The following ZSCAN2 variants were observed in gnomAD, a reference collection of about 807,000 sequenced individuals.
ZSCAN2 encodes zinc finger and SCAN domain containing 2.
In ZSCAN2, 26 loss-of-function variants were observed where a neutral mutation model predicts 47.8. The ratio of observed to expected loss-of-function variants is 0.54; its 90% confidence interval spans 0.40 to 0.75. ZSCAN2 has a LOEUF of 0.75. Among genes scored for constraint, ZSCAN2 ranks in the 30% least tolerant of loss-of-function variants. The probability of loss-of-function intolerance (pLI) is 0.00; values close to 1 mark genes in which losing one functional copy is unlikely to be tolerated. For missense variants in ZSCAN2, 732 were observed against 785.4 expected (o/e 0.93, Z 0.81); for synonymous variants, 305 against 288.7 (o/e 1.06, Z -0.57).
chr15:84,612,416 T>C (rs1432505647), intron 2 of ZSCAN2, among the ~76,000 whole-genome samples: 2 of 152,184 alleles, frequency 1.3e-5, no homozygotes, highest in South Asian at 4.1e-4. Flanking sequence ...GTTTATGATA[T>C]TTATGTTATA....
chr15:84,604,169 G>A lies in ZSCAN2; in HGVS notation c.242G>A (p.Arg81Gln), dbSNP rs756555393. 1.9e-6 allele frequency: 3 copies of A among 1,613,632 alleles called. No individual in the cohort carries two copies. The highest frequency in any genetic ancestry group is 1.1e-5 in the South Asian group (1 of 91,038). Residue 81 changes from arginine to glutamine, a missense_variant, in exon 2 of 3, where the codon CGA (arginine) becomes CAA (glutamine). Physicochemically the swap from Arg to Gln is conservative, Grantham distance 43 (BLOSUM62 1). Around this residue, in one of 2 missense-constraint regions of ZSCAN2, gnomAD observed 320 missense variants for 287.4 expected, o/e 1.11. Coordinates refer to ENST00000546148, the MANE Select transcript of ZSCAN2 (RefSeq NM_181877.4). ...CCACAGGGTGCACTCGGCCGCCTCC[G>A]AGAGCTCTGCCGGCGCTGGCTGAGA... is the stretch of plus-strand genomic sequence containing the variant. ...RGPQGALGRL[R>Q]ELCRRWLRPE...
At position 84,622,027 on chromosome 15, in the gene ZSCAN2, A is replaced by T; in HGVS notation, c.1832A>T (p.Glu611Val). 6.2e-7 allele frequency: 1 copy of T among 1,603,094 alleles called. No individual in the cohort carries two copies. Among genetic ancestry groups the T allele is most frequent in the Middle Eastern group, 1.7e-4 (1 of 5,990 alleles). Reference sequence around the variant, plus strand: ...ACACATCAGAGAACTCACATGAAAGAGAAACTTTATTGAAGTGGCAAAGAG... The same window carrying T: ...ACACATCAGAGAACTCACATGAAAGTGAAACTTTATTGAAGTGGCAAAGAG... ...FITHQRTHMK[E>V]KLY is the part of the protein sequence containing the mutation. The change falls in exon 3 of 3, where the codon GAG (glutamate) becomes GTG (valine). Residue 611 changes from glutamate to valine, a missense_variant. Physicochemically the swap from Glu to Val is moderately radical, Grantham distance 121. Around this residue, in one of 2 missense-constraint regions of ZSCAN2, gnomAD observed 412 missense variants for 498.0 expected, o/e 0.83. Coordinates refer to ENST00000546148, the MANE Select transcript of ZSCAN2 (RefSeq NM_181877.4).
In ZSCAN2 at chr15:84,604,082, A is replaced by G; in HGVS notation, c.155A>G (p.Glu52Gly). ...GCTGTGCTGCAGGAGGATGGCCCTGAGTCTGAGCCCTTTCCCCAGAGTGCT... is the reference window on the plus strand; with the variant it reads ...GCTGTGCTGCAGGAGGATGGCCCTGGGTCTGAGCCCTTTCCCCAGAGTGCT... The part of the protein sequence containing the change: ...QEAVLQEDGP[E>G]SEPFPQSAGK... The change falls in exon 2 of 3, where the codon GAG becomes GGG. Residue 52 changes from glutamate to glycine, a missense_variant. Physicochemically the swap from Glu to Gly is moderately conservative, Grantham distance 98 (BLOSUM62 -2). This residue lies in a region of ZSCAN2 where 320 missense variants were observed against 287.4 expected (regional missense o/e 1.11). Coordinates refer to ENST00000546148, the MANE Select transcript of ZSCAN2 (RefSeq NM_181877.4). 1 of 1,614,152 alleles carries G rather than the reference A, an allele frequency of 6.2e-7. No individual in the cohort carries two copies. Among genetic ancestry groups the G allele is most frequent in the Middle Eastern group, 1.6e-4 (1 of 6,062 alleles).
At chr15:84,606,846 G>A (rs554595608) in intron 2 of ZSCAN2, 2 of 1,215,144 alleles carry the variant, frequency 1.6e-6, no homozygotes, top group East Asian at 4.6e-5. Flanking sequence ...GATTGTCTTT[G>A]TTGGTCTTTG....
At chr15:84,618,482 C>G (rs1483780312) in intron 2 of ZSCAN2, among the ~76,000 whole-genome samples, 2 of 151,840 alleles carry the variant, frequency 1.3e-5, no homozygotes, top group African/African-American at 4.8e-5. Context: ...CCTCCTCAGG[C>G]TCATCAAGAG....
intron 2 of ZSCAN2, among the ~76,000 whole-genome samples, chr15:84,613,978 CCT>C (rs1895625377): frequency 1.0e-5 from 1 of 96,922 alleles, no homozygotes. Context: ...CTGCTCTTGG[CCT>C]CTTTTTTTTT....
At chr15:84,604,738 CTTTTT>C (rs11459006) in intron 2 of ZSCAN2, among the ~76,000 whole-genome samples, 2 of 129,024 alleles carry the variant, frequency 1.6e-5, no homozygotes, top group African/African-American at 3.0e-5. Context: ...TTTCTTTTTT[CTTTTT>C]TTTTTTTTTT....
intron 2 of ZSCAN2, chr15:84,606,588 T>C (rs757333120): frequency 9.3e-6 from 15 of 1,613,916 alleles, no homozygotes; most frequent in Non-Finnish European, 1.2e-5. Flanking sequence ...AACTTCTGGA[T>C]CTCCAGTCAG....
chr15:84,606,774 T>C (rs1455122964), intron 2 of ZSCAN2: 15 of 1,357,846 alleles, frequency 1.1e-5, no homozygotes, highest in Non-Finnish European at 1.4e-5. Context: ...GCACCTGAGA[T>C]GGGAACCAAT....
chr15:84,604,496 T>C (rs1290476458), intron 2 of ZSCAN2, among the ~76,000 whole-genome samples, 163 bp downstream of exon 2: 3 of 152,228 alleles, frequency 2.0e-5, no homozygotes, highest in Non-Finnish European at 4.4e-5. Context: ...AGCCTTTTAG[T>C]GTCCTCACTG....
intron 2 of ZSCAN2, chr15:84,606,334 A>G (rs1227222620): frequency 5.3e-6 from 3 of 561,406 alleles, no homozygotes; most frequent in Admixed American, 3.1e-5. Context: ...CATTTCACAG[A>G]TAGGAAATAT....
chr15:84,621,404 A>G lies in ZSCAN2; in HGVS notation c.1209A>G (p.Ser403=), dbSNP rs769165789. 9 of 1,612,662 alleles carry G rather than the reference A, an allele frequency of 5.6e-6. No individual in the cohort carries two copies. In the South Asian group the frequency reaches 9.9e-5, roughly 18 times the overall value. The part of the protein sequence containing the change: ...TDCGQRFSQS[S]ALITHRRTHT... ...GTGGGCAGAGGTTCAGCCAGAGTTC[A>G]GCCCTCATCACCCACCGGAGAACCC... The change falls in exon 3 of 3, where the codon TCA becomes TCG. Residue 403 remains serine (S), a synonymous_variant. Coordinates refer to ENST00000546148, the MANE Select transcript of ZSCAN2 (RefSeq NM_181877.4). The surrounding 1 kb of genome is among the most constrained non-coding windows in gnomAD (Gnocchi z 5.7).
Position 84,604,008 on chromosome 15 carries a change from G to A in ZSCAN2, c.81G>A (p.Glu27=). 1 of 1,614,158 alleles carries A rather than the reference G, an allele frequency of 6.2e-7. No homozygotes were observed. The highest frequency in any genetic ancestry group is 1.1e-5 in the South Asian group (1 of 91,084). The change falls in exon 2 of 3, where the codon GAG becomes GAA. Residue 27 remains glutamate (E), a synonymous_variant. Coordinates refer to ENST00000546148, the MANE Select transcript of ZSCAN2 (RefSeq NM_181877.4). ...VQVPQEEDRQ[E]EEVTTMILED... ...TGCCTCAAGAGGAAGATAGACAGGAGGAGGAGGTCACCACCATGATCCTGG... is the reference window on the plus strand; with the variant it reads ...TGCCTCAAGAGGAAGATAGACAGGAAGAGGAGGTCACCACCATGATCCTGG...
intron 2 of ZSCAN2, among the ~76,000 whole-genome samples, chr15:84,610,492 T>C (rs1033276064): frequency 7.0e-6 from 1 of 143,000 alleles, no homozygotes; most frequent in Non-Finnish European, 1.5e-5. Context: ...TTCTTTCTTT[T>C]TTTTTTTTTT....
intron 2 of ZSCAN2, among the ~76,000 whole-genome samples, chr15:84,605,394 C>T (rs941393902): frequency 1.3e-5 from 2 of 152,154 alleles, no homozygotes; most frequent in African/African-American, 2.4e-5. Flanking sequence ...AAGGTCAGGT[C>T]AGAGAAGGCT....
At position 84,622,397 on chromosome 15, in the gene ZSCAN2, G is replaced by T. The variant is rs926147090; in HGVS notation, c.*357G>T. The T allele has an allele frequency of 1.9e-5, 11 of 583,966 alleles. No individual in the cohort carries two copies. In the Admixed American group the frequency reaches 2.7e-4, roughly 14 times the overall value. The allele number at this position is 583,966 out of a possible 1,614,324, so 36.2% of individuals were successfully genotyped here. A position where few individuals can be genotyped will look rare whatever the true frequency, so the allele number is the denominator to read the frequency against. ...AATGGAAGACAGCATGGCCCACAAC[G>T]TGGGCCGAGTCCTCAGAGAAATACT... On this transcript the variant is annotated 3_prime_UTR_variant, in exon 3 of 3. Coordinates refer to ENST00000546148, the MANE Select transcript of ZSCAN2 (RefSeq NM_181877.4).
At chr15:84,608,983 G>A (rs1895465469) in intron 2 of ZSCAN2, among the ~76,000 whole-genome samples, 1 of 152,158 alleles carries the variant, frequency 6.6e-6, no homozygotes, top group African/African-American at 2.4e-5. Flanking sequence ...AGGAATAGAG[G>A]TTATCAACTT....
intron 2 of ZSCAN2, chr15:84,616,486 T>C: frequency 7.1e-7 from 1 of 1,406,086 alleles, no homozygotes; most frequent in East Asian, 2.6e-5. Context: ...TCCATGCTTA[T>C]TCATTGCATT....
chr15:84,607,504 CTTTTGT>C (rs1204873417), intron 2 of ZSCAN2, among the ~76,000 whole-genome samples: 8 of 151,088 alleles, frequency 5.3e-5, no homozygotes, highest in East Asian at 3.9e-4. Context: ...ACAGCCTGTG[CTTTTGT>C]TTTTGTTTTT....
Sources: gnomAD v4.1 joint callset for allele counts (sites outside exome capture counted in the v4.1 genomes callset) on GRCh38, gnomAD v4.1.1 for gene constraint, gnomAD v4.1.1 regional missense constraint, Gnocchi (gnomAD v3.1) non-coding constraint, MANE v1.5 for transcripts, NCBI Gene and HGNC (gene_info 2026-07-23, HGNC 2026-07-21) for gene names.